Variants in PLCB4 observed in about 807,000 individuals in gnomAD.
The protein encoded by PLCB4 is phospholipase C beta 4, also known as 1-phosphatidylinositol 4,5-bisphosphate phosphodiesterase beta-4.
A neutral mutation model predicts 178.8 loss-of-function variants in PLCB4; 77 were observed. The ratio of observed to expected loss-of-function variants is 0.43; its 90% CI spans 0.36 to 0.52. The LOEUF is 0.52. Among genes scored for constraint, PLCB4 ranks in the 20% least tolerant of loss-of-function variants. PLCB4 has a pLI of 0.00. For synonymous variants in PLCB4, 496 were observed against 490.8 expected (o/e 1.01, Z -0.14); for missense variants, 1,024 against 1,453.4 (o/e 0.70, Z 4.80).
chr20:9,410,759 C>T (rs2039802140), intron 24 of PLCB4, among the ~76,000 whole-genome samples: 1 of 152,200 alleles, frequency 6.6e-6, no homozygotes, highest in Non-Finnish European at 1.5e-5. Context: ...TCTCAATACT[C>T]ATCAAACAAT....
intron 13 of PLCB4, among the ~76,000 whole-genome samples, chr20:9,381,418 T>A (rs535706853): frequency 3.4e-4 from 52 of 152,236 alleles, no homozygotes; most frequent in African/African-American, 1.2e-3. Flanking sequence ...GCTGACCGGG[T>A]GCCAAGCACT....
At chr20:9,392,294 G>C (rs1215706160) in intron 17 of PLCB4, among the ~76,000 whole-genome samples, 1 of 152,220 alleles carries the variant, frequency 6.6e-6, no homozygotes, top group Non-Finnish European at 1.5e-5. Flanking sequence ...TCCACAGGGT[G>C]GGAGCAGCCT....
chr20:9,375,704 G>A (rs1482842752), intron 12 of PLCB4, among the ~76,000 whole-genome samples: 1 of 152,078 alleles, frequency 6.6e-6, no homozygotes, highest in Non-Finnish European at 1.5e-5. Flanking sequence ...CATGAACACT[G>A]GAAAGGACAA....
Position 9,118,407 on chromosome 20 carries a change from A to G in PLCB4, c.-79+22065A>G, listed in dbSNP as rs950584503. Among the ~76,000 whole-genome samples the G allele has an allele frequency of 2.6e-5, 4 of 152,150 alleles. No individual in the cohort carries two copies. The South Asian group carries it at 8.3e-4, about 32-fold the overall frequency. ...TAATAAAAGAGACGGAAATAAAAAT[A>G]ACTTTAAAAAGTTAAAAAAAAAGAA... On this transcript the variant is annotated intron_variant, in intron 2 of 39. Transcript: ENST00000378473.
chr20:9,166,851 G>A (rs2092981436), intron 2 of PLCB4, among the ~76,000 whole-genome samples: 1 of 152,052 alleles, frequency 6.6e-6, no homozygotes, highest in South Asian at 2.1e-4. Context: ...GCTGTATTTA[G>A]TGATAGAAAA....
intron 2 of PLCB4, among the ~76,000 whole-genome samples, chr20:9,099,409 T>G (rs1176068892): frequency 6.6e-6 from 1 of 152,208 alleles, no homozygotes; most frequent in African/African-American, 2.4e-5. Flanking sequence ...GTTAGATGTA[T>G]TCTTCAGTAC....
At chr20:9,119,711 C>A (rs2091896677) in intron 2 of PLCB4, among the ~76,000 whole-genome samples, 1 of 152,172 alleles carries the variant, frequency 6.6e-6, no homozygotes, top group Non-Finnish European at 1.5e-5. Context: ...TTAATGACTG[C>A]ATAATGAGTT....
chr20:9,103,049 G>T (rs1204830632), intron 2 of PLCB4, among the ~76,000 whole-genome samples: 1 of 149,504 alleles, frequency 6.7e-6, no homozygotes, highest in Non-Finnish European at 1.5e-5. Context: ...TTTTGAGACG[G>T]AGTCTTGCTT....
intron 3 of PLCB4, among the ~76,000 whole-genome samples, chr20:9,260,574 T>G (rs2094286867): frequency 6.6e-6 from 1 of 152,090 alleles, no homozygotes; most frequent in African/African-American, 2.4e-5. Context: ...TGTATAGTTA[T>G]AGATCTACAT....
chr20:9,151,641 AT>A (rs1445182302), intron 2 of PLCB4, among the ~76,000 whole-genome samples: 1 of 152,148 alleles, frequency 6.6e-6, no homozygotes, highest in African/African-American at 2.4e-5. Flanking sequence ...TGTAAGTCCA[AT>A]TAAACCTTTT....
chr20:9,264,272 C>T (rs78605976), intron 3 of PLCB4, among the ~76,000 whole-genome samples: 2,294 of 152,232 alleles, frequency 0.015, 61 homozygotes, highest in African/African-American at 0.053. Flanking sequence ...TTTATACTCC[C>T]TAAAAGGCCC....
intron 2 of PLCB4, among the ~76,000 whole-genome samples, chr20:9,132,525 G>T (rs2092295907): frequency 6.6e-6 from 1 of 152,144 alleles, no homozygotes; most frequent in African/African-American, 2.4e-5. Context: ...ATATTGTAAA[G>T]ATGGTTAACA....
At chr20:9,384,058 T>A (rs2037372282) in intron 13 of PLCB4, 143 bp from the exon 14 acceptor site, 5 of 647,444 alleles carry the variant, frequency 7.7e-6, no homozygotes, top group Non-Finnish European at 1.1e-5. Context: ...TCATTCAAGT[T>A]CTGACAGATG....
In PLCB4 at chr20:9,384,372, C is replaced by T. The variant is rs754989547; in HGVS notation, c.1025C>T (p.Ser342Leu). 245 of 1,614,030 alleles carry T rather than the reference C, an allele frequency of 1.5e-4. No individual in the cohort carries two copies. Among genetic ancestry groups the T allele is most frequent in the East Asian group, 4.7e-4 (21 of 44,896 alleles). Residue 342 changes from serine to leucine, a missense_variant, in exon 14 of 40, where the codon TCG becomes TTG. This residue lies in a region of PLCB4 where 263 missense variants were observed against 417.4 expected (regional missense o/e 0.63). Transcript: ENST00000378473. ...GGCAGACAGTTCGGCGGGAAGTCTT[C>T]GGTAGAAATGTACAGACAGGTTCTC... Reference protein sequence around the residue: ...LTGRQFGGKSSVEMYRQVLLA... With the variant: ...LTGRQFGGKSLVEMYRQVLLA...
At chr20:9,169,659 A>G (rs1051017563) in intron 2 of PLCB4, among the ~76,000 whole-genome samples, 1 of 151,924 alleles carries the variant, frequency 6.6e-6, no homozygotes, top group Non-Finnish European at 1.5e-5. Context: ...TGTGAATTGA[A>G]CTCCTGAAGG....
chr20:9,247,821 G>C (rs2094140702), intron 3 of PLCB4, among the ~76,000 whole-genome samples: 1 of 152,162 alleles, frequency 6.6e-6, no homozygotes, highest in Admixed American at 6.5e-5. Context: ...TTGCACTCTG[G>C]TCTGATTTCT....
At chr20:9,221,561 C>G (rs1292073962) in intron 3 of PLCB4, among the ~76,000 whole-genome samples, 1 of 152,146 alleles carries the variant, frequency 6.6e-6, no homozygotes, top group African/African-American at 2.4e-5. Context: ...ATTTTTAATC[C>G]TTAGCCCATT....
At chr20:9,401,382 G>T in intron 19 of PLCB4, 108 bp from the exon 20 acceptor site, 1 of 692,170 alleles carries the variant, frequency 1.4e-6, no homozygotes, top group Non-Finnish European at 2.6e-6. Flanking sequence ...TTTTCTTTTA[G>T]CATCCTTTTT....
rs980556936 is a variant in PLCB4, at chr20:9,479,209, T to C, written c.*200T>C. The C allele has an allele frequency of 6.4e-5, 36 of 566,774 alleles. No individual in the cohort carries two copies. In the African/African-American group the frequency reaches 6.8e-4, roughly 11 times the overall value. 35.1% of individuals were successfully genotyped at this position (566,774 alleles called of 1,614,324 possible). On this transcript the variant is annotated 3_prime_UTR_variant, in exon 40 of 40. Coordinates refer to ENST00000378473, the MANE Select transcript of PLCB4 (RefSeq NM_001377142.1). ...TTGGCCAAACAAAAATAGCTACAAA[T>C]CCACAAAAATTTACTATTCCAGTAA... is the stretch of plus-strand genomic sequence containing the variant.
Sources: allele counts gnomAD v4.1 joint callset (sites outside exome capture counted in the v4.1 genomes callset), GRCh38; gene constraint gnomAD v4.1.1; regional missense constraint gnomAD v4.1.1; transcripts MANE v1.5; gene names NCBI Gene and HGNC (gene_info 2026-07-23, HGNC 2026-07-21).